Variants in SLC35F4 observed in about 807,000 individuals in gnomAD.
SLC35F4 encodes the protein chromosome 14 open reading frame 36.
A neutral mutation model predicts 44.2 loss-of-function variants in SLC35F4; 24 were observed. The ratio of observed to expected loss-of-function variants is 0.54; its 90% CI spans 0.39 to 0.76. The LOEUF is 0.76. Among genes scored for constraint, SLC35F4 ranks in the 30% least tolerant of loss-of-function variants. SLC35F4 has a pLI of 0.00. For synonymous variants in SLC35F4, 238 were observed against 223.6 expected (o/e 1.06, Z -0.57); for missense variants, 562 against 586.1 (o/e 0.96, Z 0.42).
rs755975192 is a variant in SLC35F4, at chr14:57,692,054, T to C, written c.104-97930A>G. ...TAGGAGGTAAGACTGGAAAACTAGA[T>C]TGTGATGAGATCATGATAGCCAAGT... is the stretch of plus-strand genomic sequence containing the variant. On this transcript the variant is annotated intron_variant, in intron 1 of 7. Coordinates refer to ENST00000556826, the MANE Select transcript of SLC35F4 (RefSeq NM_001306087.2). 1.6e-3 allele frequency among the ~76,000 whole-genome samples: 236 copies of C among 152,244 alleles called. 1 individual carries two copies. The highest frequency in any genetic ancestry group is 2.6e-3 in the Non-Finnish European group (179 of 68,010).
chr14:57,716,864 T>C (rs1419869550), intron 1 of SLC35F4, among the ~76,000 whole-genome samples: 4 of 151,822 alleles, frequency 2.6e-5, no homozygotes, highest in African/African-American at 9.7e-5. Flanking sequence ...TTAACCCACC[T>C]CTCCCTATTC....
chr14:57,720,357 T>C (rs1672332924), intron 1 of SLC35F4, among the ~76,000 whole-genome samples: 1 of 152,202 alleles, frequency 6.6e-6, no homozygotes, highest in Non-Finnish European at 1.5e-5. Flanking sequence ...AGAGTGAGTT[T>C]GGAGTATTCC....
chr14:57,683,213 G>C (rs2074961245), intron 1 of SLC35F4, among the ~76,000 whole-genome samples: 3 of 152,154 alleles, frequency 2.0e-5, no homozygotes, highest in Admixed American at 2.0e-4. Flanking sequence ...ACTATAGCGA[G>C]CAGAAAGGAA....
At chr14:57,598,447 G>A (rs2070620782) in intron 1 of SLC35F4, among the ~76,000 whole-genome samples, 1 of 152,144 alleles carries the variant, frequency 6.6e-6, no homozygotes, top group Admixed American at 6.5e-5. Flanking sequence ...AGCGAAAAGG[G>A]AAAAGAACTA....
At position 57,713,177 on chromosome 14, in the gene SLC35F4, T is replaced by A. The variant is rs1280021157; in HGVS notation, c.104-119053A>T. On this transcript the variant is annotated intron_variant, in intron 1 of 7. Coordinates refer to ENST00000556826, the MANE Select transcript of SLC35F4 (RefSeq NM_001306087.2). ...ACCTTGGTTTAAGTCTTATTATCTGTCACCTGAACAACTACCAGGGCTCCC... is the reference window on the plus strand; with the variant it reads ...ACCTTGGTTTAAGTCTTATTATCTGACACCTGAACAACTACCAGGGCTCCC... Among the ~76,000 whole-genome samples the A allele has an allele frequency of 2.6e-5, 4 of 152,216 alleles. No homozygotes were observed. The East Asian group carries it at 7.7e-4, about 29-fold the overall frequency.
intron 1 of SLC35F4, among the ~76,000 whole-genome samples, chr14:57,880,079 AGG>A (rs1888497806): frequency 1.7e-5 from 2 of 117,198 alleles, no homozygotes; most frequent in African/African-American, 3.5e-5. Flanking sequence ...GAAGGAAGGA[AGG>A]AAGGAAGGAA....
intron 1 of SLC35F4, among the ~76,000 whole-genome samples, chr14:57,663,246 C>T (rs1351787207): frequency 6.6e-6 from 1 of 152,154 alleles, no homozygotes; most frequent in Non-Finnish European, 1.5e-5. Flanking sequence ...AGTTACATAA[C>T]TCAATTTAGC....
At chr14:57,951,234 G>A (rs1240105895) in intron 1 of SLC35F4, among the ~76,000 whole-genome samples, 3 of 152,120 alleles carry the variant, frequency 2.0e-5, no homozygotes, top group Non-Finnish European at 4.4e-5. Flanking sequence ...ACTGTGCTGT[G>A]AGGAATGGTT....
At chr14:57,751,932 C>CTG (rs2076893485) in intron 1 of SLC35F4, among the ~76,000 whole-genome samples, 1 of 144,116 alleles carries the variant, frequency 6.9e-6, no homozygotes, top group African/African-American at 2.6e-5. Context: ...CTCTCTCTCT[C>CTG]TCTCTGTGTG....
chr14:57,655,281 T>C (rs1233724659), intron 1 of SLC35F4, among the ~76,000 whole-genome samples: 1 of 152,096 alleles, frequency 6.6e-6, no homozygotes, highest in Non-Finnish European at 1.5e-5. Flanking sequence ...CACCAAGTGA[T>C]TGAATGCTCT....
chr14:57,822,004 T>G (rs759107989), intron 1 of SLC35F4, among the ~76,000 whole-genome samples: 4 of 152,126 alleles, frequency 2.6e-5, no homozygotes, highest in Non-Finnish European at 4.4e-5. Flanking sequence ...CTCTTTAGAT[T>G]TGGTGCTTTA....
intron 1 of SLC35F4, among the ~76,000 whole-genome samples, chr14:57,771,681 C>A (rs1054881509): frequency 2.0e-5 from 3 of 152,172 alleles, no homozygotes; most frequent in Admixed American, 1.3e-4. Context: ...GCAATCTCTG[C>A]CTTCTGGGCT....
chr14:57,597,178 A>T (rs2070542439), intron 1 of SLC35F4, among the ~76,000 whole-genome samples: 1 of 152,198 alleles, frequency 6.6e-6, no homozygotes, highest in Non-Finnish European at 1.5e-5. Flanking sequence ...GGAACCAGAG[A>T]TTGCAAATCC....
chr14:57,904,705 C>A (rs952248990), intron 1 of SLC35F4, among the ~76,000 whole-genome samples: 1 of 152,000 alleles, frequency 6.6e-6, no homozygotes. Context: ...AGGTGGATAC[C>A]GTTATTCTCT....
chr14:57,732,954 GA>G, intron 1 of SLC35F4, among the ~76,000 whole-genome samples: 1 of 152,124 alleles, frequency 6.6e-6, no homozygotes, highest in Non-Finnish European at 1.5e-5. Context: ...TAAAGTTTTT[GA>G]AGAAAAGGAT....
chr14:57,646,854 T>C (rs910679560), intron 1 of SLC35F4, among the ~76,000 whole-genome samples: 2 of 152,234 alleles, frequency 1.3e-5, no homozygotes, highest in Non-Finnish European at 2.9e-5. Context: ...AGAACATCTT[T>C]ATTTCTGCCT....
chr14:57,925,477 A>AGAAGGAAGGAAGGAAGGAAGGAAG (rs1300735332), intron 1 of SLC35F4, among the ~76,000 whole-genome samples: 2 of 106,762 alleles, frequency 1.9e-5, no homozygotes, highest in Admixed American at 1.0e-4. Flanking sequence ...TGGGAAGGAA[A>AGAAGGAAGGAAGGAAGGAAGGAAG]GAAGGAAGGA....
intron 5 of SLC35F4, among the ~76,000 whole-genome samples, chr14:57,570,734 C>T (rs528613442): frequency 6.6e-6 from 1 of 152,316 alleles, no homozygotes; most frequent in East Asian, 1.9e-4. Flanking sequence ...TGATTTGGTG[C>T]ATGTCAGAAT....
intron 1 of SLC35F4, among the ~76,000 whole-genome samples, chr14:57,861,352 C>T (rs775676683): frequency 2.6e-5 from 4 of 152,184 alleles, no homozygotes; most frequent in Non-Finnish European, 5.9e-5. Flanking sequence ...GGCAATGTCC[C>T]TTCTCTTGTG....
Sources: gnomAD v4.1 joint callset for allele counts (sites outside exome capture counted in the v4.1 genomes callset) on GRCh38, gnomAD v4.1.1 for gene constraint, MANE v1.5 for transcripts, NCBI Gene and HGNC (gene_info 2026-07-23, HGNC 2026-07-21) for gene names.